EDC3: variants seen among roughly 807,000 people sequenced by gnomAD.
The protein encoded by EDC3 is enhancer of mRNA decapping 3.
A neutral mutation model predicts 41.8 loss-of-function variants in EDC3; 20 were observed. The observed-to-expected ratio is 0.48, with a 90% CI of 0.34 to 0.70. The LOEUF (loss-of-function observed/expected upper bound fraction) is 0.70, where lower values mean the gene tolerates loss of function less well. EDC3 is among the 30% of genes least tolerant of loss of function. The pLI, the probability that EDC3 is intolerant of heterozygous loss-of-function variation, is 0.01. For synonymous variants in EDC3, 206 were observed against 243.2 expected, an observed-to-expected ratio of 0.85 and a Z score of 1.42; for missense variants, 444 against 636.8, an observed-to-expected ratio of 0.70 and a Z score of 3.26.
intron 5 of EDC3, chr15:74,637,845 C>T (rs1217064985): frequency 6.6e-6 from 1 of 152,188 alleles, no homozygotes; most frequent in East Asian, 1.9e-4. Context: ...GGAAGGGGCC[C>T]TGTGGGAAGC....
Position 74,649,112 on chromosome 15 carries a change from T to G in EDC3, c.820+6621A>C, listed in dbSNP as rs1423627142. On this transcript the variant is annotated intron_variant, in intron 4 of 6. Transcript: ENST00000315127. ...CAGAGTCTCACTCTGTCGCCCAGGC[T>G]GGAGTGCAGTGGCACAATCTCAGCT... 2.8e-5 allele frequency among the ~76,000 whole-genome samples: 4 copies of G among 145,232 alleles called. No homozygotes were observed. In the East Asian group the frequency reaches 8.2e-4, roughly 30 times the overall value.
At position 74,635,636 on chromosome 15, in the gene EDC3, A is replaced by G; in HGVS notation, c.975-10T>C. The G allele has an allele frequency of 6.2e-7, 1 of 1,610,996 alleles. No individual in the cohort carries two copies. The highest frequency in any genetic ancestry group is 1.1e-5 in the South Asian group (1 of 90,996). On this transcript the variant is annotated splice_polypyrimidine_tract_variant and intron_variant, in intron 5 of 6. Transcript: ENST00000315127. ...ATTTTTGGGATTCAACCTGGAAAAG[A>G]AGGTGAAGAAGCAGTATCAGCTACA...
intron 5 of EDC3, chr15:74,636,835 A>G (rs1212979001): frequency 6.6e-6 from 1 of 152,256 alleles, no homozygotes; most frequent in African/African-American, 2.4e-5. Flanking sequence ...AGGATGCTGC[A>G]GAGTTGTGGA....
chr15:74,640,849 C>CT, intron 4 of EDC3: 1 of 545,890 alleles, frequency 1.8e-6, no homozygotes, highest in Non-Finnish European at 3.2e-6. Context: ...TGGGGACAAA[C>CT]TTAAGCTCCC....
intron 4 of EDC3, among the ~76,000 whole-genome samples, chr15:74,654,789 T>C (rs2062525507): frequency 6.7e-6 from 1 of 150,038 alleles, no homozygotes; most frequent in Non-Finnish European, 1.5e-5. Flanking sequence ...CTATTATCTA[T>C]AAAAAAAAAG....
intron 6 of EDC3, 171 bp downstream of exon 6, chr15:74,635,238 A>T: frequency 1.4e-6 from 1 of 715,846 alleles, no homozygotes; most frequent in Non-Finnish European, 2.5e-6. Context: ...GAGAGGGAGA[A>T]GCATAAGGGG....
intron 3 of EDC3, among the ~76,000 whole-genome samples, chr15:74,656,761 C>T (rs1253137358): frequency 6.6e-6 from 1 of 152,102 alleles, no homozygotes; most frequent in Non-Finnish European, 1.5e-5. Flanking sequence ...TTTTCTTAAA[C>T]CACCCATGGC....
Position 74,655,787 on chromosome 15 carries a change from T to C in EDC3, c.766A>G (p.Ile256Val), listed in dbSNP as rs140728378. Residue 256 changes from isoleucine (I) to valine (V), a missense_variant, in exon 4 of 7, where the codon ATT becomes GTT. Physicochemically the swap from Ile to Val is conservative, Grantham distance 29. Coordinates refer to ENST00000315127, the MANE Select transcript of EDC3 (RefSeq NM_025083.5). ...GGCACTATGATCCGTCGATAGACAA[T>C]GGGCTCGGACTCCAAGATGTTCTCA... Reference protein sequence around the residue: ...HDENILESEPIVYRRIIVPHN... With the variant: ...HDENILESEPVVYRRIIVPHN... The C allele has an allele frequency of 5.6e-6, 9 of 1,614,110 alleles. No individual in the cohort carries two copies. The highest frequency in any genetic ancestry group is 2.7e-5 in the African/African-American group (2 of 75,026).
intron 3 of EDC3, among the ~76,000 whole-genome samples, chr15:74,663,912 G>C (rs1481399676): frequency 4.6e-5 from 7 of 152,138 alleles, no homozygotes; most frequent in Non-Finnish European, 4.4e-5. Context: ...GCTGGGCACT[G>C]GTCATCATTT....
chr15:74,638,084 CT>C, intron 5 of EDC3: 1 of 152,358 alleles, frequency 6.6e-6, no homozygotes, highest in Non-Finnish European at 1.5e-5. Context: ...CCGGCCGTTC[CT>C]TTTTTCTTCA....
Position 74,635,527 on chromosome 15 carries a change from G to A in EDC3, c.1074C>T (p.Ala358=). Residue 358 remains alanine (A), a synonymous_variant, in exon 6 of 7, where the codon GCC becomes GCT. Transcript: ENST00000315127. ...AQGISCGRHL[A]NHDVQVILFL... The stretch of plus-strand genomic sequence containing the variant: ...AAAGGATGACCTGGACATCATGGTT[G>A]GCTAGGTGCCTTCCACAGCTGATAC... 2 of 1,614,248 alleles carry A rather than the reference G, an allele frequency of 1.2e-6. No individual in the cohort carries two copies. The highest frequency in any genetic ancestry group is 1.7e-6 in the Non-Finnish European group (2 of 1,180,036).
At chr15:74,678,652 G>T (rs2062834120) in intron 1 of EDC3, among the ~76,000 whole-genome samples, 1 of 152,178 alleles carries the variant, frequency 6.6e-6, no homozygotes, top group African/African-American at 2.4e-5. Context: ...CACTTTGGGA[G>T]ACTGAGGCAG....
At chr15:74,662,880 T>C (rs1265026217) in intron 3 of EDC3, among the ~76,000 whole-genome samples, 1 of 152,136 alleles carries the variant, frequency 6.6e-6, no homozygotes, top group East Asian at 1.9e-4. Flanking sequence ...AAAACAGTTA[T>C]AGGAGAAAAC....
chr15:74,670,010 ATTTTTT>A (rs757043746), intron 3 of EDC3, among the ~76,000 whole-genome samples: 1 of 116,362 alleles, frequency 8.6e-6, no homozygotes, highest in Non-Finnish European at 1.8e-5. Context: ...CGCCCAGCTA[ATTTTTT>A]TTTTTTTTTT....
chr15:74,685,593 C>T (rs1265300569), intron 1 of EDC3, among the ~76,000 whole-genome samples: 1 of 152,080 alleles, frequency 6.6e-6, no homozygotes. Context: ...AGAGTACCTA[C>T]ATGTTTATAT....
At position 74,640,455 on chromosome 15, in the gene EDC3, T is replaced by C. The variant is rs754421644; in HGVS notation, c.974+11A>G. 22 of 1,613,386 alleles carry C rather than the reference T, an allele frequency of 1.4e-5. No individual in the cohort carries two copies. The African/African-American group carries it at 1.6e-4, about 12-fold the overall frequency. ...TCCACATTGAGTCCCTGCCAGTTTA[T>C]AGACATTTACCTGTTAGGTCCTCCG... On this transcript the variant is annotated intron_variant, in intron 5 of 6. Coordinates refer to ENST00000315127, the MANE Select transcript of EDC3 (RefSeq NM_025083.5).
chr15:74,683,673 A>G (rs1320101541), intron 1 of EDC3, among the ~76,000 whole-genome samples: 1 of 152,172 alleles, frequency 6.6e-6, no homozygotes, highest in East Asian at 1.9e-4. Flanking sequence ...ATCTCTCTGT[A>G]TTATTTCTTA....
intron 4 of EDC3, among the ~76,000 whole-genome samples, chr15:74,651,033 A>G (rs1016965740): frequency 6.6e-6 from 1 of 152,186 alleles, no homozygotes; most frequent in Admixed American, 6.6e-5. Context: ...AAAATTAAAA[A>G]AAGAATCTTA....
intron 4 of EDC3, chr15:74,640,875 T>C (rs1301570710): frequency 2.0e-6 from 1 of 487,908 alleles, no homozygotes; most frequent in Non-Finnish European, 3.7e-6. Flanking sequence ...AATTTAGCTT[T>C]AGACCACAAA....
Sources: allele counts gnomAD v4.1 joint callset (sites outside exome capture counted in the v4.1 genomes callset), GRCh38; gene constraint gnomAD v4.1.1; transcripts MANE v1.5; gene names NCBI Gene and HGNC (gene_info 2026-07-23, HGNC 2026-07-21).